Variants in FLVCR2 observed in about 807,000 individuals in gnomAD.
FLVCR2 encodes choline/ethanolamine transporter FLVCR2.
FLVCR2 carries 38 observed loss-of-function variants against 48.9 expected under a neutral mutation model. The ratio of observed to expected loss-of-function variants is 0.78; its 90% CI spans 0.60 to 1.02. The LOEUF (loss-of-function observed/expected upper bound fraction) is 1.02, where lower values mean the gene tolerates loss of function less well. Among genes scored for constraint, FLVCR2 ranks in the 50% least tolerant of loss-of-function variants. FLVCR2 has a pLI of 0.00. For missense variants in FLVCR2, 664 were observed against 663.3 expected, an observed-to-expected ratio of 1.00 and a Z score of -0.01; for synonymous variants, 255 against 257.0, an observed-to-expected ratio of 0.99 and a Z score of 0.07.
chr14:75,617,581 C>T (rs1326984939), intron 1 of FLVCR2, among the ~76,000 whole-genome samples: 1 of 152,186 alleles, frequency 6.6e-6, no homozygotes, highest in Non-Finnish European at 1.5e-5. Context: ...TGACCTTGAG[C>T]AAGTCAGTTA....
intron 1 of FLVCR2, among the ~76,000 whole-genome samples, chr14:75,615,428 T>G (rs185706451): frequency 6.6e-6 from 1 of 152,126 alleles, no homozygotes; most frequent in East Asian, 1.9e-4. Flanking sequence ...ATCTTGGGAG[T>G]CCCAGTGGCC....
chr14:75,641,824 C>T lies in FLVCR2; in HGVS notation c.1454-19C>T. Reference sequence around the variant, plus strand: ...AACTGTATTTTTGTCTCTCTTCCTTCTCAATCTATCAACCTTAGCATTCAT... The same window carrying T: ...AACTGTATTTTTGTCTCTCTTCCTTTTCAATCTATCAACCTTAGCATTCAT... On this transcript the variant is annotated intron_variant, in intron 8 of 9. Coordinates refer to ENST00000238667, the MANE Select transcript of FLVCR2 (RefSeq NM_017791.3). 1.2e-6 allele frequency: 2 copies of T among 1,610,898 alleles called. No individual in the cohort carries two copies. Among genetic ancestry groups the T allele is most frequent in the Non-Finnish European group, 1.7e-6 (2 of 1,177,006 alleles).
chr14:75,620,778 G>A (rs1304286902), intron 1 of FLVCR2, among the ~76,000 whole-genome samples: 2 of 152,198 alleles, frequency 1.3e-5, no homozygotes, highest in Non-Finnish European at 2.9e-5. Context: ...AGAACCACTA[G>A]TAAACATCTT....
intron 5 of FLVCR2, among the ~76,000 whole-genome samples, chr14:75,636,462 T>C (rs1451581134): frequency 6.6e-6 from 1 of 152,102 alleles, no homozygotes; most frequent in African/African-American, 2.4e-5. Context: ...CAGTGACCCT[T>C]TTTCCGGGGC....
chr14:75,625,108 C>T (rs961530920), intron 3 of FLVCR2, among the ~76,000 whole-genome samples: 66 of 152,240 alleles, frequency 4.3e-4, no homozygotes, highest in African/African-American at 1.5e-3. Context: ...GGTCTATTTC[C>T]CCATTAGACT....
At chr14:75,638,496 T>C (rs945638270) in intron 5 of FLVCR2, among the ~76,000 whole-genome samples, 14 of 152,278 alleles carry the variant, frequency 9.2e-5, no homozygotes, top group Middle Eastern at 3.4e-3. Context: ...TGTTGGTCTG[T>C]TCAAGTAGGG....
At chr14:75,604,668 A>G (rs1228629772) in intron 1 of FLVCR2, among the ~76,000 whole-genome samples, 1 of 152,186 alleles carries the variant, frequency 6.6e-6, no homozygotes, top group Non-Finnish European at 1.5e-5. Flanking sequence ...AGAGAGGCCA[A>G]TACTGAAATC....
rs545685763 is a variant in FLVCR2, at chr14:75,586,873, A to G, written c.669+7232A>G. Among the ~76,000 whole-genome samples, 5 of 152,192 alleles carry G rather than the reference A, an allele frequency of 3.3e-5. No homozygotes were observed. In the South Asian group the frequency reaches 1.0e-3, roughly 32 times the overall value. ...TAATCTTTGCCTTCGAAGACATACT[A>G]TACCAGGTTTTAAAAAATTGTGCCA... On this transcript the variant is annotated intron_variant, in intron 1 of 9. Coordinates refer to ENST00000238667, the MANE Select transcript of FLVCR2 (RefSeq NM_017791.3).
At chr14:75,616,047 A>AAAAAAAAAAAAAAC (rs1259725425) in intron 1 of FLVCR2, among the ~76,000 whole-genome samples, 1 of 148,150 alleles carries the variant, frequency 6.7e-6, no homozygotes, top group Non-Finnish European at 1.5e-5. Context: ...AAAAAAAAAA[A>AAAAAAAAAAAAAAC]ATAGCGTAAG....
intron 3 of FLVCR2, among the ~76,000 whole-genome samples, chr14:75,630,915 G>A (rs191404557): frequency 9.8e-5 from 15 of 152,296 alleles, no homozygotes; most frequent in Non-Finnish European, 1.9e-4. Context: ...ATAGAATGCA[G>A]TCACCTGTAC....
At chr14:75,622,007 A>T in intron 1 of FLVCR2, 72 bp from the exon 2 acceptor site, 1 of 1,464,202 alleles carries the variant, frequency 6.8e-7, no homozygotes, top group Non-Finnish European at 9.6e-7. Context: ...TCTTATTAGG[A>T]ATCTCTTTAC....
chr14:75,617,501 T>C (rs1889646997), intron 1 of FLVCR2, among the ~76,000 whole-genome samples: 2 of 152,232 alleles, frequency 1.3e-5, no homozygotes, highest in African/African-American at 4.8e-5. Flanking sequence ...AAGTAAACTA[T>C]AGTTGTAAAG....
At chr14:75,584,648 C>T (rs1888696295) in intron 1 of FLVCR2, among the ~76,000 whole-genome samples, 2 of 152,206 alleles carry the variant, frequency 1.3e-5, no homozygotes, top group Non-Finnish European at 2.9e-5. Flanking sequence ...ACTGGGGGTC[C>T]TCTTGGGGAA....
At chr14:75,611,891 A>T (rs113971206) in intron 1 of FLVCR2, among the ~76,000 whole-genome samples, 117 of 152,348 alleles carry the variant, frequency 7.7e-4, no homozygotes, top group African/African-American at 2.6e-3. Flanking sequence ...CACTCAGTAC[A>T]TATTCACCTC....
chr14:75,638,003 G>A (rs923923263), intron 5 of FLVCR2, among the ~76,000 whole-genome samples: 2 of 152,146 alleles, frequency 1.3e-5, no homozygotes, highest in African/African-American at 4.8e-5. Flanking sequence ...GATCGACACA[G>A]GGAAATGTAA....
intron 1 of FLVCR2, among the ~76,000 whole-genome samples, chr14:75,589,092 T>C (rs879940807): frequency 9.2e-5 from 14 of 152,142 alleles, no homozygotes; most frequent in Non-Finnish European, 1.9e-4. Flanking sequence ...TGCACATGCC[T>C]GTAGTCCCAG....
Position 75,583,909 on chromosome 14 carries a change from G to T in FLVCR2, c.669+4268G>T, listed in dbSNP as rs535827520. Among the ~76,000 whole-genome samples the T allele has an allele frequency of 9.2e-5, 14 of 152,314 alleles. No individual in the cohort carries two copies. In the East Asian group the frequency reaches 2.7e-3, roughly 29 times the overall value. The stretch of plus-strand genomic sequence containing the variant: ...AAGCTCAGTGTCTGTGACGGTCCAG[G>T]GGGCTTCCGAGGCGATTGGGCAGCG... On this transcript the variant is annotated intron_variant, in intron 1 of 9. Coordinates refer to ENST00000238667, the MANE Select transcript of FLVCR2 (RefSeq NM_017791.3).
At chr14:75,637,777 A>T (rs902525212) in intron 5 of FLVCR2, among the ~76,000 whole-genome samples, 2 of 151,814 alleles carry the variant, frequency 1.3e-5, no homozygotes, top group African/African-American at 4.8e-5. Flanking sequence ...AGCTTTCATC[A>T]TCTGAGTCCT....
intron 1 of FLVCR2, among the ~76,000 whole-genome samples, chr14:75,599,200 T>G (rs1328447257): frequency 6.6e-6 from 1 of 152,214 alleles, no homozygotes; most frequent in Non-Finnish European, 1.5e-5. Context: ...TAACTCACCT[T>G]TGCCCCATTT....
Sources: allele counts gnomAD v4.1 joint callset (sites outside exome capture counted in the v4.1 genomes callset), GRCh38; gene constraint gnomAD v4.1.1; transcripts MANE v1.5; gene names NCBI Gene and HGNC (gene_info 2026-07-23, HGNC 2026-07-21).